The following FBXO42 variants were observed in gnomAD, a reference collection of about 807,000 sequenced individuals.
FBXO42 encodes the protein F-box protein 42, also known as F-box only protein 42.
Under a neutral mutation model 71.7 loss-of-function variants are expected in FBXO42, and 12 were observed. The observed-to-expected ratio is 0.17, with a 90% CI of 0.11 to 0.27. The LOEUF (loss-of-function observed/expected upper bound fraction) is 0.27. Among genes scored for constraint, FBXO42 ranks in the 10% least tolerant of loss-of-function variants. FBXO42 has a pLI of 1.00. For missense variants in FBXO42, 707 were observed against 911.9 expected (o/e 0.78, Z 2.89); for synonymous variants, 325 against 327.5 (o/e 0.99, Z 0.08).
intron 1 of FBXO42, among the ~76,000 whole-genome samples, chr1:16,340,092 C>T (rs1474009515): frequency 2.6e-5 from 4 of 151,816 alleles, no homozygotes; most frequent in East Asian, 1.9e-4. Flanking sequence ...AGAAGAATGG[C>T]GTGAACCCGG....
intron 1 of FBXO42, among the ~76,000 whole-genome samples, chr1:16,343,561 C>A (rs1244375203): frequency 6.6e-6 from 1 of 151,836 alleles, no homozygotes; most frequent in Admixed American, 6.6e-5. Context: ...AAATAAAAAT[C>A]AAAAAAATTC....
intron 1 of FBXO42, among the ~76,000 whole-genome samples, chr1:16,316,122 T>TCATGCCA (rs1314918257): frequency 4.4e-4 from 61 of 137,302 alleles, no homozygotes; most frequent in African/African-American, 1.6e-3. Flanking sequence ...TGAGCCGAGA[T>TCATGCCA]CATGCCACTG....
At chr1:16,331,749 A>G (rs1557604868) in intron 1 of FBXO42, among the ~76,000 whole-genome samples, 1 of 146,548 alleles carries the variant, frequency 6.8e-6, no homozygotes, top group African/African-American at 2.5e-5. Context: ...CTCAAAATAA[A>G]TAAATAAATA....
Position 16,250,781 on chromosome 1 carries a change from C to T in FBXO42, c.2043G>A (p.Val681=), listed in dbSNP as rs1043961031. The change falls in exon 10 of 10, where the codon GTG becomes GTA. Residue 681 remains valine, a synonymous_variant. Coordinates refer to ENST00000375592, the MANE Select transcript of FBXO42 (RefSeq NM_018994.3). This position sits in a 1 kb window ranked among gnomAD's most constrained non-coding sequence, Gnocchi z 4.7. Reference sequence around the variant, plus strand: ...TGATGAGTTCACCCCTGCCTTGTACCACGGTATGCAGGCTGGTTTCAGGAG... The same window carrying T: ...TGATGAGTTCACCCCTGCCTTGTACTACGGTATGCAGGCTGGTTTCAGGAG... ...VGPPETSLHT[V]VQGRGELIIF... 6.2e-7 allele frequency: 1 copy of T among 1,613,990 alleles called. No homozygotes were observed. The highest frequency in any genetic ancestry group is 1.3e-5 in the African/African-American group (1 of 74,882).
Position 16,253,641 on chromosome 1 carries a change from T to A in FBXO42, c.858A>T (p.Gln286His), listed in dbSNP as rs200092981. ...SGPSPHPRGG[Q>H]SQIVIDDATI... Reference sequence around the variant, plus strand: ...TATTTTAATTCCTGAGCACCTGAGATTGGCCACCTCGAGGATGAGGACTGG... The same window carrying A: ...TATTTTAATTCCTGAGCACCTGAGAATGGCCACCTCGAGGATGAGGACTGG... The change falls in exon 7 of 10, where the codon CAA becomes CAT. Residue 286 changes from glutamine to histidine, a missense_variant. Physicochemically the swap from Gln to His is conservative, Grantham distance 24 (BLOSUM62 0). Coordinates refer to ENST00000375592, the MANE Select transcript of FBXO42 (RefSeq NM_018994.3). 1 of 1,614,194 alleles carries A rather than the reference T, an allele frequency of 6.2e-7. No individual in the cohort carries two copies. The highest frequency in any genetic ancestry group is 1.7e-5 in the Admixed American group (1 of 60,024).
At position 16,252,309 on chromosome 1, in the gene FBXO42, C is replaced by A. The variant is rs1431440930; in HGVS notation, c.1017G>T (p.Leu339=). 3.7e-6 allele frequency: 6 copies of A among 1,614,068 alleles called. No individual in the cohort carries two copies. In the South Asian group the frequency reaches 6.6e-5, roughly 18 times the overall value. ...TTACCCGGCAAGCTGGATGGCACCA[C>A]AGTTCTGGGGCCCCATGCTCTTCAT... ...VENEEHGAPE[L]WCHPACRVGQ... is the part of the protein sequence containing the mutation. The change falls in exon 9 of 10, where the codon CTG becomes CTT. Residue 339 remains leucine (L), a synonymous_variant. Coordinates refer to ENST00000375592, the MANE Select transcript of FBXO42 (RefSeq NM_018994.3). This position sits in a 1 kb window ranked among gnomAD's most constrained non-coding sequence, Gnocchi z 4.4.
At chr1:16,345,831 G>C (rs2082650391) in intron 1 of FBXO42, among the ~76,000 whole-genome samples, 1 of 140,556 alleles carries the variant, frequency 7.1e-6, no homozygotes, top group Non-Finnish European at 1.5e-5. Flanking sequence ...CTGGGCGACA[G>C]AGCGAGACTC....
At position 16,283,507 on chromosome 1, in the gene FBXO42, T is replaced by G. The variant is rs200397205; in HGVS notation, c.502+11276A>C. Among the ~76,000 whole-genome samples the G allele has an allele frequency of 2.3e-4, 16 of 69,302 alleles. 1 individual carries two copies. Among genetic ancestry groups the G allele is most frequent in the South Asian group, 1.7e-3 (3 of 1,740 alleles). The allele number at this position is 69,302 out of a possible 152,430, so 45.5% of individuals were successfully genotyped here. On this transcript the variant is annotated intron_variant, in intron 4 of 9. Coordinates refer to ENST00000375592, the MANE Select transcript of FBXO42 (RefSeq NM_018994.3). ...TAACTGTGGCAAGTTTTTTTTTTTT[T>G]TTTTTTTTTTGAGACAGTCTCGCTC...
intron 4 of FBXO42, among the ~76,000 whole-genome samples, chr1:16,275,065 G>A (rs1019602483): frequency 2.0e-5 from 3 of 152,094 alleles, no homozygotes; most frequent in African/African-American, 7.2e-5. Flanking sequence ...CATTATATGA[G>A]GTCTTTAAGA....
chr1:16,311,519 T>TAC (rs2082313544), intron 2 of FBXO42, among the ~76,000 whole-genome samples: 1 of 143,764 alleles, frequency 7.0e-6, no homozygotes. Context: ...TATATATATA[T>TAC]ATATATATAC....
At chr1:16,267,161 T>C (rs2081785465) in intron 4 of FBXO42, among the ~76,000 whole-genome samples, 1 of 152,224 alleles carries the variant, frequency 6.6e-6, no homozygotes, top group Non-Finnish European at 1.5e-5. Flanking sequence ...ACCAAGGGGT[T>C]TCTATCTGGA....
At chr1:16,289,243 A>G (rs2082054154) in intron 4 of FBXO42, among the ~76,000 whole-genome samples, 1 of 151,648 alleles carries the variant, frequency 6.6e-6, no homozygotes, top group Non-Finnish European at 1.5e-5. Flanking sequence ...AAAAAAAAAG[A>G]AAGAAAAGAA....
intron 1 of FBXO42, among the ~76,000 whole-genome samples, chr1:16,317,821 G>A (rs1288895174): frequency 6.6e-6 from 1 of 151,300 alleles, no homozygotes; most frequent in African/African-American, 2.4e-5. Flanking sequence ...CCAGGAGGCT[G>A]AGCAGGAGGA....
chr1:16,342,098 A>G (rs2100635062), intron 1 of FBXO42, among the ~76,000 whole-genome samples: 1 of 150,696 alleles, frequency 6.6e-6, no homozygotes, highest in East Asian at 2.0e-4. Context: ...ACAACATGGC[A>G]AAACCCTAAC....
chr1:16,342,925 T>C (rs1221480970), intron 1 of FBXO42, among the ~76,000 whole-genome samples: 1 of 152,088 alleles, frequency 6.6e-6, no homozygotes, highest in East Asian at 1.9e-4. Flanking sequence ...CCTATTCACA[T>C]GTCAACTTCC....
intron 2 of FBXO42, among the ~76,000 whole-genome samples, chr1:16,311,502 AAATAT>A (rs1430118636): frequency 1.5e-4 from 10 of 68,668 alleles, no homozygotes; most frequent in African/African-American, 4.9e-4. Flanking sequence ...AAAAAAAAAA[AAATAT>A]ATATATATAT....
intron 4 of FBXO42, among the ~76,000 whole-genome samples, chr1:16,274,498 T>TAAA (rs1202049232): frequency 6.7e-6 from 1 of 150,258 alleles, no homozygotes; most frequent in African/African-American, 2.4e-5. Flanking sequence ...TATACATATG[T>TAAA]AAAAAACAAA....
chr1:16,272,022 G>A (rs61769825), intron 4 of FBXO42, among the ~76,000 whole-genome samples: 40,564 of 149,178 alleles, frequency 0.27, 6,401 homozygotes, highest in Non-Finnish European at 0.37. Context: ...GGGCGTGGTG[G>A]TGCATGCCCA....
Position 16,251,223 on chromosome 1 carries a change from G to C in FBXO42, c.1601C>G (p.Thr534Arg). The C allele has an allele frequency of 2.5e-6, 4 of 1,614,194 alleles. No homozygotes were observed. The highest frequency in any genetic ancestry group is 3.4e-6 in the Non-Finnish European group (4 of 1,180,038). The change falls in exon 10 of 10, where the codon ACA becomes AGA. Residue 534 changes from threonine (T) to arginine (R), a missense_variant. Thr to Arg is a moderately conservative substitution (Grantham distance 71, BLOSUM62 -1). Around this residue, in one of 5 missense-constraint regions of FBXO42, gnomAD observed 482 missense variants for 587.1 expected, o/e 0.82. Transcript: ENST00000375592. The surrounding 1 kb of genome is among the most constrained non-coding windows in gnomAD (Gnocchi z 4.5). ...GGSMRHPPEQTNGVHTPPHVA... is the reference protein window; with the variant it reads ...GGSMRHPPEQRNGVHTPPHVA... ...GTGAGGTGGGGTATGCACACCATTTGTCTGTTCAGGAGGGTGTCTCATACT... is the reference window on the plus strand; with the variant it reads ...GTGAGGTGGGGTATGCACACCATTTCTCTGTTCAGGAGGGTGTCTCATACT...
Sources: gnomAD v4.1 joint callset for allele counts (sites outside exome capture counted in the v4.1 genomes callset) on GRCh38, gnomAD v4.1.1 for gene constraint, gnomAD v4.1.1 regional missense constraint, Gnocchi (gnomAD v3.1) non-coding constraint, MANE v1.5 for transcripts, NCBI Gene and HGNC (gene_info 2026-07-23, HGNC 2026-07-21) for gene names.